The following RNF220 variants were observed in gnomAD, a reference collection of about 807,000 sequenced individuals.
The protein encoded by RNF220 is ring finger protein 220.
RNF220 carries 7 observed loss-of-function variants against 67.1 expected under a neutral mutation model. The observed-to-expected ratio is 0.10, with a 90% CI of 0.06 to 0.20. The LOEUF (loss-of-function observed/expected upper bound fraction) is 0.20. Ranked by LOEUF, RNF220 falls within the 10% of genes least tolerant of loss-of-function variation. RNF220 has a pLI of 1.00. For missense variants in RNF220, 565 were observed against 740.3 expected (o/e 0.76, Z 2.75); for synonymous variants, 270 against 283.2 (o/e 0.95, Z 0.47).
intron 2 of RNF220, among the ~76,000 whole-genome samples, chr1:44,478,906 C>A (rs1310096792): frequency 6.6e-6 from 1 of 152,060 alleles, no homozygotes; most frequent in Non-Finnish European, 1.5e-5. Flanking sequence ...CTCTGGAAGA[C>A]CTTCCTTTTC....
chr1:44,506,268 C>T (rs546739347), intron 2 of RNF220, among the ~76,000 whole-genome samples: 3 of 152,214 alleles, frequency 2.0e-5, no homozygotes, highest in African/African-American at 7.2e-5. Flanking sequence ...TTGCTGGTGG[C>T]GGGTGTGGAG....
intron 2 of RNF220, among the ~76,000 whole-genome samples, chr1:44,569,772 C>T (rs1411423228): frequency 6.6e-6 from 1 of 152,126 alleles, no homozygotes; most frequent in African/African-American, 2.4e-5. Flanking sequence ...GAAGGAAGGC[C>T]ATGGGGAGCT....
At position 44,530,465 on chromosome 1, in the gene RNF220, G is replaced by A. The variant is rs117571422; in HGVS notation, c.626-83700G>A. 6.6e-5 allele frequency among the ~76,000 whole-genome samples: 10 copies of A among 150,912 alleles called. No homozygotes were observed. The East Asian group carries it at 1.4e-3, about 21-fold the overall frequency. ...ACTGAGGAAGTTTCAACATTTTTAC[G>A]TAGATGCGCAATGCTGATACACAAA... On this transcript the variant is annotated intron_variant, in intron 2 of 14. Coordinates refer to ENST00000361799, the MANE Select transcript of RNF220 (RefSeq NM_018150.4).
At chr1:44,427,631 A>G (rs1029813328) in intron 2 of RNF220, among the ~76,000 whole-genome samples, 1 of 152,230 alleles carries the variant, frequency 6.6e-6, no homozygotes, top group African/African-American at 2.4e-5. Context: ...CTAACGCCCA[A>G]TGTGCTTTAC....
intron 2 of RNF220, among the ~76,000 whole-genome samples, chr1:44,538,228 G>A (rs1429304179): frequency 1.3e-5 from 2 of 152,042 alleles, no homozygotes; most frequent in Non-Finnish European, 2.9e-5. Flanking sequence ...ATATTCTTTG[G>A]GTGTGGTTAT....
intron 2 of RNF220, among the ~76,000 whole-genome samples, chr1:44,450,766 G>T (rs114859437): frequency 0.016 from 2,464 of 152,220 alleles, 71 homozygotes; most frequent in African/African-American, 0.055. Flanking sequence ...TGCAATCAAC[G>T]CTGCAGCGAA....
rs1181260038 is a variant in RNF220, at chr1:44,439,539, AT to A, written c.625+26822del. On this transcript the variant is annotated intron_variant, in intron 2 of 14. Coordinates refer to ENST00000361799, the MANE Select transcript of RNF220 (RefSeq NM_018150.4). ...TTGTTGTTGTTATTTGTTTTTATTTATTTTTATTTTATTTTATTTAGTTTTA... is the reference window on the plus strand; with the variant it reads ...TTGTTGTTGTTATTTGTTTTTATTTATTTTATTTTATTTTATTTAGTTTTA... Among the ~76,000 whole-genome samples, 3 of 151,124 alleles carry A rather than the reference AT, an allele frequency of 2.0e-5. No homozygotes were observed. The South Asian group carries it at 6.2e-4, about 31-fold the overall frequency.
At chr1:44,582,931 G>C (rs1007954489) in intron 2 of RNF220, among the ~76,000 whole-genome samples, 1 of 151,990 alleles carries the variant, frequency 6.6e-6, no homozygotes, top group African/African-American at 2.4e-5. Context: ...GCTTGAACCC[G>C]GGAGGTGGAG....
intron 2 of RNF220, among the ~76,000 whole-genome samples, chr1:44,481,856 G>A (rs900942902): frequency 3.3e-5 from 5 of 152,144 alleles, no homozygotes; most frequent in South Asian, 2.1e-4. Flanking sequence ...TGATGAAGCA[G>A]TTTAAAAGAC....
chr1:44,506,257 G>A (rs1658413333), intron 2 of RNF220, among the ~76,000 whole-genome samples: 1 of 152,230 alleles, frequency 6.6e-6, no homozygotes, highest in African/African-American at 2.4e-5. Flanking sequence ...GGGTGGCAGG[G>A]TTGCTGGTGG....
At chr1:44,512,281 A>G (rs1572727708) in intron 2 of RNF220, among the ~76,000 whole-genome samples, 1 of 152,336 alleles carries the variant, frequency 6.6e-6, no homozygotes, top group African/African-American at 2.4e-5. Flanking sequence ...AGGAACCTGA[A>G]GAAGTCAACA....
In RNF220 at chr1:44,645,521, C is replaced by G; in HGVS notation, c.1445+33C>G. ...TTTGGCCAGGAGAGAGCCCTGGGAC[C>G]ACAGTTCAGTGGGAGGAGGGGCCCT... On this transcript the variant is annotated intron_variant, in intron 12 of 14. Coordinates refer to ENST00000361799, the MANE Select transcript of RNF220 (RefSeq NM_018150.4). The surrounding 1 kb of genome is among the most constrained non-coding windows in gnomAD (Gnocchi z 5.0). 1 of 1,605,238 alleles carries G rather than the reference C, an allele frequency of 6.2e-7. No homozygotes were observed. The highest frequency in any genetic ancestry group is 8.5e-7 in the Non-Finnish European group (1 of 1,173,750).
intron 2 of RNF220, among the ~76,000 whole-genome samples, chr1:44,506,931 G>A (rs548742471): frequency 1.6e-4 from 24 of 152,316 alleles, no homozygotes; most frequent in African/African-American, 5.5e-4. Flanking sequence ...GTTGATCACG[G>A]AGTCTCAAAT....
In RNF220 at chr1:44,645,607, C is replaced by CACT; in HGVS notation, c.1445+119_1445+120insACT. ...CCCTCCCAAGTGCAGCTCAGTGCTG[C>CACT]TGCCCTGGGCACACGGCCGGCAGTG... On this transcript the variant is annotated intron_variant, in intron 12 of 14. Coordinates refer to ENST00000361799, the MANE Select transcript of RNF220 (RefSeq NM_018150.4). The surrounding 1 kb of genome is among the most constrained non-coding windows in gnomAD (Gnocchi z 5.0). 5 of 980,650 alleles carry CACT rather than the reference C, an allele frequency of 5.1e-6. No individual in the cohort carries two copies. Among genetic ancestry groups the CACT allele is most frequent in the Non-Finnish European group, 7.8e-6 (5 of 644,492 alleles). 60.7% of individuals were successfully genotyped at this position (980,650 alleles called of 1,614,324 possible). A position where few individuals can be genotyped will look rare whatever the true frequency, so the allele number is the denominator to read the frequency against.
Position 44,447,165 on chromosome 1 carries a change from G to A in RNF220, c.625+34443G>A, listed in dbSNP as rs559173437. On this transcript the variant is annotated intron_variant, in intron 2 of 14. Transcript: ENST00000361799. The stretch of plus-strand genomic sequence containing the variant: ...CTATATTCCTGACAATTGACATCTT[G>A]TTGAGAACGATATGTACAGCAGTAT... 2.6e-5 allele frequency among the ~76,000 whole-genome samples: 4 copies of A among 152,218 alleles called. No individual in the cohort carries two copies. The South Asian group carries it at 8.3e-4, about 32-fold the overall frequency.
At chr1:44,575,251 C>A (rs1251154688) in intron 2 of RNF220, among the ~76,000 whole-genome samples, 3 of 152,228 alleles carry the variant, frequency 2.0e-5, no homozygotes, top group Non-Finnish European at 2.9e-5. Flanking sequence ...TTAGCTCCCA[C>A]ATATCAGTGA....
At chr1:44,592,055 AG>A (rs1214725434) in intron 2 of RNF220, among the ~76,000 whole-genome samples, 63 of 152,264 alleles carry the variant, frequency 4.1e-4, no homozygotes, top group African/African-American at 1.5e-3. Flanking sequence ...ACAATCTTTG[AG>A]GGTGTTCCAG....
At chr1:44,501,557 GAA>G (rs1422651774) in intron 2 of RNF220, among the ~76,000 whole-genome samples, 3,829 of 152,220 alleles carry the variant, frequency 0.025, 142 homozygotes, top group African/African-American at 0.088. Flanking sequence ...GGTGTGGGCA[GAA>G]CTGGTCAAGA....
At chr1:44,632,413 C>A in intron 6 of RNF220, 28 bp downstream of exon 6, 1 of 1,598,142 alleles carries the variant, frequency 6.3e-7, no homozygotes, top group Non-Finnish European at 8.5e-7. Context: ...CCTCCCTCCG[C>A]CCCACCCCCG....
Sources: allele counts gnomAD v4.1 joint callset (sites outside exome capture counted in the v4.1 genomes callset), GRCh38; gene constraint gnomAD v4.1.1; non-coding constraint Gnocchi (gnomAD v3.1); transcripts MANE v1.5; gene names NCBI Gene and HGNC (gene_info 2026-07-23, HGNC 2026-07-21).